GNAL: variants seen among roughly 807,000 people sequenced by gnomAD.
GNAL encodes guanine nucleotide-binding protein G(olf) subunit alpha.
GNAL carries 18 observed loss-of-function variants against 55.1 expected under a neutral mutation model. That is an observed-to-expected ratio of 0.33 (90% confidence interval 0.23 to 0.48). The LOEUF (loss-of-function observed/expected upper bound fraction) is 0.48, where lower values mean the gene tolerates loss of function less well. Among genes scored for constraint, GNAL ranks in the 20% least tolerant of loss-of-function variants. The pLI is 0.99. For synonymous variants in GNAL, 253 were observed against 237.0 expected (o/e 1.07, Z -0.62); for missense variants, 412 against 614.1 (o/e 0.67, Z 3.48).
At chr18:11,851,331 T>G (rs375500660) in intron 5 of GNAL, 63 of 768,908 alleles carry the variant, frequency 8.2e-5, no homozygotes, top group African/African-American at 4.4e-4. Context: ...CCCCGGCGCC[T>G]TCCGTCCCGC....
chr18:11,721,128 G>A lies in GNAL; in HGVS notation c.376+31189G>A, dbSNP rs571612231. Among the ~76,000 whole-genome samples the A allele has an allele frequency of 8.5e-5, 13 of 152,256 alleles. 1 individual carries two copies. In the South Asian group the frequency reaches 1.9e-3, roughly 22 times the overall value. On this transcript the variant is annotated intron_variant, in intron 1 of 11. Coordinates refer to ENST00000334049, the MANE Select transcript of GNAL (RefSeq NM_182978.4). ...AAAACTTTACCACTGCTAAGCCACC[G>A]TACTGCTGTAAGCTAAGTCAGGATA... is the stretch of plus-strand genomic sequence containing the variant.
chr18:11,879,874 T>C (rs1368726153), intron 11 of GNAL, among the ~76,000 whole-genome samples: 1 of 150,594 alleles, frequency 6.6e-6, no homozygotes, highest in Admixed American at 6.6e-5. Context: ...GACACCCTGC[T>C]TAGCAGATGC....
rs1450990235 is a variant in GNAL at position 11,751,579 on chromosome 18, GC to G, written c.377-1273del. 6.1e-5 allele frequency: 60 copies of G among 985,398 alleles called. No homozygotes were observed. The highest frequency in any genetic ancestry group is 7.2e-5 in the Non-Finnish European group (60 of 829,992). The allele number at this position is 985,398 out of a possible 1,614,324, so 61.0% of individuals were successfully genotyped here. On this transcript the variant is annotated intron_variant, in intron 1 of 11. Coordinates refer to ENST00000334049, the MANE Select transcript of GNAL (RefSeq NM_182978.4). This position sits in a 1 kb window ranked among gnomAD's most constrained non-coding sequence, Gnocchi z 4.5. ...CTCCGCGAGTCTTCGCCCGCCAGGAGCAGGGACGCGTCCGAGCCAACACGGG... is the reference window on the plus strand; with the variant it reads ...CTCCGCGAGTCTTCGCCCGCCAGGAGAGGGACGCGTCCGAGCCAACACGGG...
At chr18:11,873,124 C>T (rs768052176) in intron 10 of GNAL, among the ~76,000 whole-genome samples, 4 of 152,198 alleles carry the variant, frequency 2.6e-5, no homozygotes, top group South Asian at 4.1e-4. Flanking sequence ...ACCAGAGGCT[C>T]ATAGGAGTGA....
At chr18:11,876,045 T>G (rs1363740584) in intron 10 of GNAL, among the ~76,000 whole-genome samples, 1 of 152,160 alleles carries the variant, frequency 6.6e-6, no homozygotes, top group Non-Finnish European at 1.5e-5. Flanking sequence ...AGGCTGCCCC[T>G]CTTGATATTG....
chr18:11,754,358 C>A (rs2186962), intron 4 of GNAL, among the ~76,000 whole-genome samples: 151,857 of 151,858 alleles, frequency 1, 75,928 homozygotes, highest in Middle Eastern at 1. Flanking sequence ...TGGAGGTTGC[C>A]ATGAGCCGAG....
rs1275747396 is a variant in GNAL, at chr18:11,702,552, G to T, written c.376+12613G>T. ...TTACAGGCTACTATTTGTTTATTCA[G>T]TAGCAATTACTGACATTCAGTAGCA... On this transcript the variant is annotated intron_variant, in intron 1 of 11. Coordinates refer to ENST00000334049, the MANE Select transcript of GNAL (RefSeq NM_182978.4). Among the ~76,000 whole-genome samples the T allele has an allele frequency of 2.6e-5, 4 of 152,312 alleles. No individual in the cohort carries two copies. The East Asian group carries it at 7.7e-4, about 29-fold the overall frequency.
At chr18:11,780,246 GCATAGT>G (rs913146000) in intron 4 of GNAL, among the ~76,000 whole-genome samples, 2 of 151,914 alleles carry the variant, frequency 1.3e-5, no homozygotes, top group Non-Finnish European at 2.9e-5. Context: ...AGGCATTTTT[GCATAGT>G]CACGTTCCTG....
At chr18:11,773,494 A>T (rs1395675499) in intron 4 of GNAL, among the ~76,000 whole-genome samples, 2 of 152,202 alleles carry the variant, frequency 1.3e-5, no homozygotes, top group Non-Finnish European at 2.9e-5. Flanking sequence ...GGCCAGATGC[A>T]GTGGCTCATC....
At chr18:11,706,349 A>G (rs911492005) in intron 1 of GNAL, among the ~76,000 whole-genome samples, 5 of 152,112 alleles carry the variant, frequency 3.3e-5, no homozygotes, top group African/African-American at 1.2e-4. Context: ...CTTAATTTAA[A>G]AATATTGATA....
At chr18:11,693,741 C>CTTTTTT (rs576637274) in intron 1 of GNAL, among the ~76,000 whole-genome samples, 11 of 110,920 alleles carry the variant, frequency 9.9e-5, no homozygotes, top group African/African-American at 2.6e-4. Flanking sequence ...CCAGCAGTGT[C>CTTTTTT]TTTTTTTTTT....
intron 4 of GNAL, among the ~76,000 whole-genome samples, chr18:11,820,896 G>A (rs2035073902): frequency 6.6e-6 from 1 of 152,180 alleles, no homozygotes; most frequent in Non-Finnish European, 1.5e-5. Context: ...TACAATCCCT[G>A]TTTTACTCTT....
Position 11,689,589 on chromosome 18 carries a change from C to T in GNAL, c.26C>T (p.Pro9Leu). MGLCYSLR[P>L]LLFGGPGDDP... The stretch of plus-strand genomic sequence containing the variant: ...ATGGGTCTGTGCTACAGTCTGCGGC[C>T]GCTGCTTTTCGGGGGCCCAGGGGAC... Residue 9 changes from proline (P) to leucine (L), a missense_variant, in exon 1 of 12, where the codon CCG becomes CTG. Around this residue, in one of 5 missense-constraint regions of GNAL, gnomAD observed 228 missense variants for 194.8 expected, o/e 1.17. Coordinates refer to ENST00000334049, the MANE Select transcript of GNAL (RefSeq NM_182978.4). 2.2e-6 allele frequency: 3 copies of T among 1,333,596 alleles called. No homozygotes were observed. The highest frequency in any genetic ancestry group is 2.9e-6 in the Non-Finnish European group (3 of 1,051,956). The allele number at this position is 1,333,596 out of a possible 1,614,324, so 82.6% of individuals were successfully genotyped here. A position where few individuals can be genotyped will look rare whatever the true frequency, so the allele number is the denominator to read the frequency against.
intron 1 of GNAL, among the ~76,000 whole-genome samples, chr18:11,705,902 C>T (rs892056875): frequency 6.6e-6 from 1 of 151,858 alleles, no homozygotes; most frequent in Non-Finnish European, 1.5e-5. Context: ...ATTACAGGCT[C>T]CTGCCAGCAT....
intron 4 of GNAL, among the ~76,000 whole-genome samples, chr18:11,812,169 C>T (rs2034833617): frequency 6.6e-6 from 1 of 152,212 alleles, no homozygotes; most frequent in African/African-American, 2.4e-5. Context: ...ACTGGAGACT[C>T]GATTTATTTA....
intron 4 of GNAL, among the ~76,000 whole-genome samples, chr18:11,774,351 G>C (rs1443816434): frequency 6.6e-6 from 1 of 152,182 alleles, no homozygotes; most frequent in Admixed American, 6.5e-5. Context: ...ACTATATTCT[G>C]CAGAAAGTAT....
chr18:11,747,603 G>A (rs2032716785), intron 1 of GNAL: 2 of 151,340 alleles, frequency 1.3e-5, no homozygotes, highest in African/African-American at 2.4e-5. Context: ...TTCTTGTTGT[G>A]AAGGATAGGG....
chr18:11,829,741 A>G (rs2035334645), intron 5 of GNAL, among the ~76,000 whole-genome samples: 1 of 152,134 alleles, frequency 6.6e-6, no homozygotes, highest in Non-Finnish European at 1.5e-5. Context: ...CGGGCGCAGT[A>G]GCTCACGCCT....
At position 11,752,703 on chromosome 18, in the gene GNAL, G is replaced by A. The variant is rs1041474006; in HGVS notation, c.377-150G>A. On this transcript the variant is annotated intron_variant, in intron 1 of 11. Transcript: ENST00000334049. The surrounding 1 kb of genome is among the most constrained non-coding windows in gnomAD (Gnocchi z 4.5). ...GCGCACCTCTGGGCCGCGGAGCCCA[G>A]ACGGCGGCCGGGGCGAGCTCCTCCA... 1 of 1,216,920 alleles carries A rather than the reference G, an allele frequency of 8.2e-7. No individual in the cohort carries two copies. Among genetic ancestry groups the A allele is most frequent in the Admixed American group, 2.7e-5 (1 of 36,744 alleles). The allele number at this position is 1,216,920 out of a possible 1,614,324, so 75.4% of individuals were successfully genotyped here.
Sources: gnomAD v4.1 joint callset for allele counts (sites outside exome capture counted in the v4.1 genomes callset) on GRCh38, gnomAD v4.1.1 for gene constraint, gnomAD v4.1.1 regional missense constraint, Gnocchi (gnomAD v3.1) non-coding constraint, MANE v1.5 for transcripts, NCBI Gene and HGNC (gene_info 2026-07-23, HGNC 2026-07-21) for gene names.